The following SMC1B variants were observed in gnomAD, a reference collection of about 807,000 sequenced individuals.
The protein encoded by SMC1B is structural maintenance of chromosomes protein 1B.
A neutral mutation model predicts 157.9 loss-of-function variants in SMC1B; 60 were observed. The observed-to-expected ratio is 0.38, with a 90% CI of 0.31 to 0.47. SMC1B has a LOEUF of 0.47. Among genes scored for constraint, SMC1B ranks in the 20% least tolerant of loss-of-function variants. The pLI is 0.99. For missense variants in SMC1B, 1,165 were observed against 1,426.2 expected (o/e 0.82, Z 2.95); for synonymous variants, 445 against 483.0 (o/e 0.92, Z 1.03).
chr22:45,411,458 T>C (rs960468960), intron 1 of SMC1B, among the ~76,000 whole-genome samples: 5 of 152,224 alleles, frequency 3.3e-5, no homozygotes, highest in Admixed American at 6.5e-5. Context: ...CAGGGAGTGA[T>C]TGCTAATGAG....
chr22:45,410,665 T>C (rs2087321900), intron 1 of SMC1B, among the ~76,000 whole-genome samples: 1 of 152,180 alleles, frequency 6.6e-6, no homozygotes, highest in Non-Finnish European at 1.5e-5. Context: ...ATTACACCAC[T>C]GTACTCCAGC....
At chr22:45,383,677 G>C (rs1012145685) in intron 11 of SMC1B, 64 bp from the exon 12 acceptor site, 27 of 1,350,798 alleles carry the variant, frequency 2.0e-5, no homozygotes, top group Non-Finnish European at 2.7e-5. Context: ...AAGACACAAT[G>C]TGTCAATTTT....
rs756907087 is a variant in SMC1B at position 45,370,051 on chromosome 22, C to T, written c.2323G>A (p.Asp775Asn). 16 of 1,527,426 alleles carry T rather than the reference C, an allele frequency of 1.0e-5. No individual in the cohort carries two copies. Among genetic ancestry groups the T allele is most frequent in the East Asian group, 4.6e-5 (2 of 43,304 alleles). 94.6% of individuals were successfully genotyped at this position (1,527,426 alleles called of 1,614,324 possible). A position where few individuals can be genotyped will look rare whatever the true frequency, so the allele number is the denominator to read the frequency against. Residue 775 changes from aspartate (D) to asparagine (N), a missense_variant, in exon 15 of 25, where the codon GAT (aspartate) becomes AAT (asparagine). By Grantham distance (23) the Asp-to-Asn change is conservative (BLOSUM62 1). Transcript: ENST00000357450. ...FQEKIDKVED[D>N]IFQHFCEEIG... is the part of the protein sequence containing the mutation. ...TCTTCACAGAAGTGTTGGAAGATAT[C>T]GTCTTCTACCTTTTAAATTATTTTA... is the stretch of plus-strand genomic sequence containing the variant.
At chr22:45,368,671 C>A (rs2086799391) in intron 15 of SMC1B, among the ~76,000 whole-genome samples, 1 of 152,030 alleles carries the variant, frequency 6.6e-6, no homozygotes, top group Non-Finnish European at 1.5e-5. Flanking sequence ...CACCCACCAC[C>A]ACGCCTGGCT....
In SMC1B at chr22:45,344,499, G is replaced by T. The variant is rs1295186502; in HGVS notation, c.*57C>A. The stretch of plus-strand genomic sequence containing the variant: ...TCCAGAAGTCTCCTGTGGAGGAGCT[G>T]TGTGAGTATTAGAGTGGGAACTGAA... On this transcript the variant is annotated 3_prime_UTR_variant, in exon 25 of 25. Transcript: ENST00000357450. The T allele has an allele frequency of 2.4e-6, 3 of 1,239,782 alleles. No homozygotes were observed. The highest frequency in any genetic ancestry group is 3.4e-5 in the Admixed American group (2 of 58,546). 76.8% of individuals were successfully genotyped at this position (1,239,782 alleles called of 1,614,324 possible).
intron 14 of SMC1B, among the ~76,000 whole-genome samples, chr22:45,370,890 G>GT (rs1482065185): frequency 1.3e-5 from 2 of 152,210 alleles, no homozygotes; most frequent in South Asian, 2.1e-4. Context: ...AGGAAGTAAC[G>GT]TAAGTGTGGT....
intron 20 of SMC1B, 107 bp downstream of exon 20, chr22:45,354,852 A>G (rs2086654445): frequency 9.6e-7 from 1 of 1,038,002 alleles, no homozygotes; most frequent in Non-Finnish European, 1.4e-6. Flanking sequence ...CCACAGAGGA[A>G]AAAATCTATA....
chr22:45,376,589 G>A (rs778777124), intron 12 of SMC1B, among the ~76,000 whole-genome samples: 1 of 152,128 alleles, frequency 6.6e-6, no homozygotes, highest in Non-Finnish European at 1.5e-5. Flanking sequence ...AAAAAGAATT[G>A]CTGGATCATA....
chr22:45,379,955 A>G (rs531225479), intron 12 of SMC1B, among the ~76,000 whole-genome samples: 1 of 149,562 alleles, frequency 6.7e-6, no homozygotes, highest in African/African-American at 2.5e-5. Flanking sequence ...CAGGACTTAA[A>G]CTCCTTCCTG....
At chr22:45,371,273 T>C (rs904174640) in intron 14 of SMC1B, among the ~76,000 whole-genome samples, 198 bp downstream of exon 14, 1 of 152,166 alleles carries the variant, frequency 6.6e-6, no homozygotes. Context: ...CATTGTCTCT[T>C]GAGGTGAGCA....
intron 10 of SMC1B, 103 bp from the exon 11 acceptor site, chr22:45,387,149 G>C (rs1368428710): frequency 9.6e-7 from 1 of 1,040,678 alleles, no homozygotes; most frequent in African/African-American, 1.6e-5. Flanking sequence ...GGCAGCAAAA[G>C]ATCAACAGTA....
Position 45,406,881 on chromosome 22 carries a change from A to G in SMC1B, c.299-16T>C. On this transcript the variant is annotated splice_polypyrimidine_tract_variant and intron_variant, in intron 2 of 24. Transcript: ENST00000357450. ...GAGCATCCCCCTAAAATAAAAAAAT[A>G]AACCCTGTTAAAAAATATATAAATA... 6.6e-7 allele frequency: 1 copy of G among 1,512,728 alleles called. No homozygotes were observed. The highest frequency in any genetic ancestry group is 8.9e-7 in the Non-Finnish European group (1 of 1,129,876). The allele number at this position is 1,512,728 out of a possible 1,614,324, so 93.7% of individuals were successfully genotyped here.
At chr22:45,384,849 A>G (rs1444148660) in intron 11 of SMC1B, among the ~76,000 whole-genome samples, 1 of 152,182 alleles carries the variant, frequency 6.6e-6, no homozygotes, top group Non-Finnish European at 1.5e-5. Flanking sequence ...TAGATTAACT[A>G]TATTTTATTC....
At position 45,399,436 on chromosome 22, in the gene SMC1B, T is replaced by G. The variant is rs928983350; in HGVS notation, c.855-83A>C. 6.1e-6 allele frequency: 8 copies of G among 1,304,412 alleles called. No individual in the cohort carries two copies. The African/African-American group carries it at 9.0e-5, about 15-fold the overall frequency. The allele number at this position is 1,304,412 out of a possible 1,614,324, so 80.8% of individuals were successfully genotyped here. On this transcript the variant is annotated intron_variant, in intron 5 of 24. Transcript: ENST00000357450. ...GAAGAAGTTGTTTTGATCAAACCACTTTAAAAAAGAAATCCTAAAAATCAA... is the reference window on the plus strand; with the variant it reads ...GAAGAAGTTGTTTTGATCAAACCACGTTAAAAAAGAAATCCTAAAAATCAA...
intron 1 of SMC1B, among the ~76,000 whole-genome samples, chr22:45,411,021 A>G (rs1305985203): frequency 6.6e-6 from 1 of 152,240 alleles, no homozygotes; most frequent in Non-Finnish European, 1.5e-5. Context: ...AACTAAACAT[A>G]AACTTTTAAA....
chr22:45,386,727 C>T (rs1421122465), intron 11 of SMC1B, 140 bp downstream of exon 11: 1 of 640,684 alleles, frequency 1.6e-6, no homozygotes, highest in East Asian at 2.8e-5. Context: ...GCCATAACCA[C>T]CTTAGGTTCT....
In SMC1B at chr22:45,358,758, T is replaced by C. The variant is rs1602052227; in HGVS notation, c.2900A>G (p.Asp967Gly). The change falls in exon 19 of 25, where the codon GAT becomes GGT. Residue 967 changes from aspartate to glycine, a missense_variant. Asp to Gly is a moderately conservative substitution (Grantham distance 94). Coordinates refer to ENST00000357450, the MANE Select transcript of SMC1B (RefSeq NM_148674.5). ...AAAGGCTTCTTCTTTTTCATAGATA[T>C]CAATTGTTGCCTGGGTACTTTCTGC... ...TEAESTQATI[D>G]IYEKEEAFEI... 6.2e-7 allele frequency: 1 copy of C among 1,613,270 alleles called. No individual in the cohort carries two copies. Among genetic ancestry groups the C allele is most frequent in the Non-Finnish European group, 8.5e-7 (1 of 1,179,586 alleles).
In SMC1B at chr22:45,408,848, C is replaced by A; in HGVS notation, c.160G>T (p.Ala54Ser). The part of the protein sequence containing the change: ...ALSFVMGEKI[A>S]NLRVKNIQEL... ...TGAATATTTTTCACTCTTAAATTAG[C>A]TATTTTCTCTCCCATTACAAAACTA... is the stretch of plus-strand genomic sequence containing the variant. The change falls in exon 2 of 25, where the codon GCT becomes TCT. Residue 54 changes from alanine to serine, a missense_variant. By Grantham distance (99) the Ala-to-Ser change is moderately conservative. Coordinates refer to ENST00000357450, the MANE Select transcript of SMC1B (RefSeq NM_148674.5). The A allele has an allele frequency of 6.4e-7, 1 of 1,564,154 alleles. No individual in the cohort carries two copies. The highest frequency in any genetic ancestry group is 1.2e-5 in the South Asian group (1 of 82,894).
intron 12 of SMC1B, among the ~76,000 whole-genome samples, chr22:45,378,867 C>A (rs1329431423): frequency 6.6e-6 from 1 of 152,182 alleles, no homozygotes; most frequent in Non-Finnish European, 1.5e-5. Flanking sequence ...TGAAAGCTTA[C>A]TACACACAAG....
Sources: allele counts gnomAD v4.1 joint callset (sites outside exome capture counted in the v4.1 genomes callset), GRCh38; gene constraint gnomAD v4.1.1; transcripts MANE v1.5; gene names NCBI Gene and HGNC (gene_info 2026-07-23, HGNC 2026-07-21).